Variants in TRMT11 observed in about 807,000 individuals in gnomAD.
The protein encoded by TRMT11 is tRNA (guanine(10)-N(2))-methyltransferase TRMT11.
A neutral mutation model predicts 62.8 loss-of-function variants in TRMT11; 53 were observed. That is an observed-to-expected ratio of 0.84 (90% CI 0.68 to 1.06). TRMT11 has a LOEUF of 1.06. Among genes scored for constraint, TRMT11 ranks in the 50% least tolerant of loss-of-function variants. TRMT11 has a pLI of 0.00. For synonymous variants in TRMT11, 188 were observed against 190.3 expected, an observed-to-expected ratio of 0.99 and a Z score of 0.10; for missense variants, 556 against 553.4, an observed-to-expected ratio of 1.00 and a Z score of -0.05.
intron 21 of TRMT11, among the ~76,000 whole-genome samples, chr6:126,150,769 C>T (rs946127643): frequency 6.6e-6 from 1 of 152,192 alleles, no homozygotes; most frequent in Non-Finnish European, 1.5e-5. Context: ...TGAATTCTTG[C>T]TCCTTTTCTG....
At chr6:126,151,734 T>A (rs1259683561) in intron 21 of TRMT11, among the ~76,000 whole-genome samples, 1 of 142,864 alleles carries the variant, frequency 7.0e-6, no homozygotes, top group Admixed American at 6.9e-5. Context: ...CTCCCTCCCT[T>A]CCATCCTTCC....
chr6:126,260,809 C>A, the TRMT11 span, among the ~76,000 whole-genome samples: 4 of 152,124 alleles, frequency 2.6e-5, no homozygotes, highest in Admixed American at 2.0e-4. Context: ...CACGGAGATC[C>A]CCTTCTATAT....
chr6:126,233,434 C>G, the TRMT11 span, among the ~76,000 whole-genome samples: 475 of 152,234 alleles, frequency 3.1e-3, 4 homozygotes, highest in South Asian at 0.022. Flanking sequence ...GGCTCACTCC[C>G]ACTTCTGAAT....
chr6:126,083,199 A>G (rs1777177684), intron 17 of TRMT11, among the ~76,000 whole-genome samples: 1 of 152,170 alleles, frequency 6.6e-6, no homozygotes, highest in South Asian at 2.1e-4. Flanking sequence ...GTCCCTGACA[A>G]ACTGGTGTCC....
At chr6:126,045,507 A>G (rs1776026386) in intron 16 of TRMT11, among the ~76,000 whole-genome samples, 1 of 152,192 alleles carries the variant, frequency 6.6e-6, no homozygotes, top group African/African-American at 2.4e-5. Context: ...ATGGTCCTCA[A>G]CTTCATTGCC....
chr6:126,118,187 C>G (rs1352658829), intron 21 of TRMT11, among the ~76,000 whole-genome samples: 1 of 152,032 alleles, frequency 6.6e-6, no homozygotes, highest in East Asian at 1.9e-4. Flanking sequence ...CCTCTTAAAC[C>G]TCTTCAAATA....
intron 12 of TRMT11, among the ~76,000 whole-genome samples, chr6:126,024,277 T>C (rs1032485331): frequency 1.3e-5 from 2 of 152,238 alleles, no homozygotes; most frequent in African/African-American, 4.8e-5. Flanking sequence ...AAATTTATTT[T>C]CTTACAGTTC....
chr6:126,204,938 A>G (rs930032916), downstream of TRMT11, among the ~76,000 whole-genome samples: 1 of 152,198 alleles, frequency 6.6e-6, no homozygotes, highest in South Asian at 2.1e-4. Context: ...AGATATTTAC[A>G]CCTAGGACCT....
chr6:126,262,876 A>G, the TRMT11 span, among the ~76,000 whole-genome samples: 4 of 151,428 alleles, frequency 2.6e-5, no homozygotes, highest in African/African-American at 7.3e-5. Flanking sequence ...GGATTTTGCT[A>G]TTTCCCTGGT....
intron 1 of TRMT11, among the ~76,000 whole-genome samples, chr6:125,992,119 A>C (rs1415341260): frequency 6.6e-6 from 1 of 152,250 alleles, no homozygotes; most frequent in African/African-American, 2.4e-5. Flanking sequence ...TAGATTGATG[A>C]AGTGGTTTAA....
At chr6:126,115,249 T>C (rs1777574370) in intron 19 of TRMT11, among the ~76,000 whole-genome samples, 1 of 152,156 alleles carries the variant, frequency 6.6e-6, no homozygotes, top group Admixed American at 6.6e-5. Context: ...ATGCTAGTGC[T>C]AGGCAGCTGT....
At chr6:126,146,736 T>C (rs1015913188) in intron 21 of TRMT11, among the ~76,000 whole-genome samples, 7 of 152,138 alleles carry the variant, frequency 4.6e-5, no homozygotes, top group African/African-American at 1.4e-4. Flanking sequence ...CAGGCTGGTC[T>C]TGAACTCTTA....
chr6:126,126,313 A>G (rs531112399), intron 21 of TRMT11, among the ~76,000 whole-genome samples: 1 of 152,284 alleles, frequency 6.6e-6, no homozygotes, highest in South Asian at 2.1e-4. Flanking sequence ...ATTTAGTCAT[A>G]GATTTTAAAT....
chr6:126,230,383 C>T, the TRMT11 span, among the ~76,000 whole-genome samples: 1 of 152,184 alleles, frequency 6.6e-6, no homozygotes. Flanking sequence ...TTGGCCACTC[C>T]TGGCTTCCTT....
At chr6:125,992,665 G>C (rs1790808734) in intron 1 of TRMT11, among the ~76,000 whole-genome samples, 1 of 152,166 alleles carries the variant, frequency 6.6e-6, no homozygotes, top group African/African-American at 2.4e-5. Context: ...TAAGATTCTT[G>C]TATAAAGCCA....
At chr6:125,995,663 A>G (rs1441589771) in intron 2 of TRMT11, among the ~76,000 whole-genome samples, 4 of 152,254 alleles carry the variant, frequency 2.6e-5, no homozygotes, top group Admixed American at 2.0e-4. Context: ...ATGAATTTCA[A>G]GATTATACTT....
At chr6:126,241,912 T>G in the TRMT11 span, among the ~76,000 whole-genome samples, 1 of 152,298 alleles carries the variant, frequency 6.6e-6, no homozygotes, top group South Asian at 2.1e-4. Context: ...CTATTCAATA[T>G]AGTGTTGGAA....
chr6:126,030,428 C>T (rs145662245), intron 12 of TRMT11, among the ~76,000 whole-genome samples: 28 of 152,312 alleles, frequency 1.8e-4, no homozygotes, highest in African/African-American at 6.3e-4. Context: ...TTTTTCTCTT[C>T]CATCTCTTTG....
intron 21 of TRMT11, among the ~76,000 whole-genome samples, chr6:126,160,279 T>C (rs1435291098): frequency 6.6e-6 from 1 of 152,224 alleles, no homozygotes; most frequent in African/African-American, 2.4e-5. Context: ...GACTTATTAC[T>C]GAAGCCCACT....
Sources: allele counts gnomAD v4.1 joint callset (sites outside exome capture counted in the v4.1 genomes callset), GRCh38; gene constraint gnomAD v4.1.1; transcripts MANE v1.5; gene names NCBI Gene and HGNC (gene_info 2026-07-23, HGNC 2026-07-21).